PDCD1LG2: variants seen among roughly 807,000 people sequenced by gnomAD.
The protein encoded by PDCD1LG2 is B7 dendritic cell molecule.
PDCD1LG2 carries 32 observed loss-of-function variants against 28.2 expected under a neutral mutation model. The observed-to-expected ratio is 1.13, with a 90% CI of 0.86 to 1.52. The LOEUF (loss-of-function observed/expected upper bound fraction) is 1.52. Ranked by LOEUF, PDCD1LG2 falls within the 40% of genes most tolerant of loss-of-function variation. The pLI is 0.00. For synonymous variants in PDCD1LG2, 116 were observed against 120.2 expected (o/e 0.97, Z 0.23); for missense variants, 385 against 323.8 (o/e 1.19, Z -1.45).
intron 3 of PDCD1LG2, among the ~76,000 whole-genome samples, chr9:5,543,766 G>A (rs1477359786): frequency 6.6e-6 from 1 of 151,314 alleles, no homozygotes; most frequent in Non-Finnish European, 1.5e-5. Context: ...AATGTCCTGA[G>A]CTCCGCCTGC....
intron 1 of PDCD1LG2, among the ~76,000 whole-genome samples, chr9:5,520,155 A>G (rs1028221574): frequency 6.6e-6 from 1 of 152,240 alleles, no homozygotes; most frequent in African/African-American, 2.4e-5. Context: ...AAAGACTAAC[A>G]AAGTTGGAGG....
At chr9:5,527,367 G>C (rs972878946) in intron 2 of PDCD1LG2, among the ~76,000 whole-genome samples, 1 of 152,126 alleles carries the variant, frequency 6.6e-6, no homozygotes, top group African/African-American at 2.4e-5. Flanking sequence ...TGTCCTTATA[G>C]TAATGACTTT....
intron 1 of PDCD1LG2, among the ~76,000 whole-genome samples, chr9:5,522,207 G>A (rs1820288754): frequency 6.6e-6 from 1 of 152,190 alleles, no homozygotes; most frequent in South Asian, 2.1e-4. Flanking sequence ...GCCAGCTATT[G>A]AAAAAAGCTA....
At chr9:5,562,973 T>TCA (rs1331804184) in intron 5 of PDCD1LG2, among the ~76,000 whole-genome samples, 189 bp from the exon 6 acceptor site, 1 of 152,214 alleles carries the variant, frequency 6.6e-6, no homozygotes, top group East Asian at 1.9e-4. Context: ...ACTTCTTTGT[T>TCA]CACACTCTTT....
At chr9:5,566,230 A>C (rs1423596989) in intron 6 of PDCD1LG2, among the ~76,000 whole-genome samples, 1 of 152,194 alleles carries the variant, frequency 6.6e-6, no homozygotes, top group East Asian at 1.9e-4. Flanking sequence ...TATTCAGATG[A>C]ATATTTTCCC....
At chr9:5,564,934 T>C (rs759929993) in intron 6 of PDCD1LG2, among the ~76,000 whole-genome samples, 4 of 152,232 alleles carry the variant, frequency 2.6e-5, no homozygotes, top group Admixed American at 1.3e-4. Context: ...TTTATTATTA[T>C]AACACCAGGC....
intron 2 of PDCD1LG2, among the ~76,000 whole-genome samples, chr9:5,533,450 A>T (rs10435813): frequency 2.0e-5 from 3 of 152,108 alleles, no homozygotes; most frequent in Non-Finnish European, 4.4e-5. Flanking sequence ...ATAGGAAGAA[A>T]AATAAATGCA....
rs773501891 is a variant in PDCD1LG2 at position 5,569,932 on chromosome 9, A to C, written c.817-22A>C. The stretch of plus-strand genomic sequence containing the variant: ...CTAATCATAAAAAATGATTTTTCTT[A>C]TTTGTGGGCTTTTCTCCCCAGATCT... On this transcript the variant is annotated intron_variant, in intron 6 of 6. Coordinates refer to ENST00000397747, the MANE Select transcript of PDCD1LG2 (RefSeq NM_025239.4). This position sits in a 1 kb window ranked among gnomAD's most constrained non-coding sequence, Gnocchi z 4.1. The C allele has an allele frequency of 6.2e-7, 1 of 1,612,746 alleles. No homozygotes were observed. Among genetic ancestry groups the C allele is most frequent in the South Asian group, 1.1e-5 (1 of 90,920 alleles).
Position 5,557,267 on chromosome 9 carries a change from TGATG to T in PDCD1LG2, c.632-340_632-337del, listed in dbSNP as rs560837820. 4.0e-3 allele frequency among the ~76,000 whole-genome samples: 610 copies of T among 151,430 alleles called. 3 individuals are homozygous for T. Among genetic ancestry groups the T allele is most frequent in the East Asian group, 0.015 (78 of 5,162 alleles). On this transcript the variant is annotated intron_variant, in intron 4 of 6. Transcript: ENST00000397747. ...ATGATTAGATGATAGATGGATGGAT[TGATG>T]GATGGATGGAAAAAAATAACATGAG... is the stretch of plus-strand genomic sequence containing the variant.
At chr9:5,556,766 A>G (rs1330153072) in intron 4 of PDCD1LG2, among the ~76,000 whole-genome samples, 1 of 152,174 alleles carries the variant, frequency 6.6e-6, no homozygotes, top group African/African-American at 2.4e-5. Flanking sequence ...AAGCTTTTGA[A>G]TAGGGCACAA....
chr9:5,568,888 G>A (rs1586824900), intron 6 of PDCD1LG2, among the ~76,000 whole-genome samples: 1 of 152,160 alleles, frequency 6.6e-6, no homozygotes, highest in Non-Finnish European at 1.5e-5. Context: ...GTTCAGAGAT[G>A]GGGACAAATA....
At chr9:5,531,194 T>C (rs1262337089) in intron 2 of PDCD1LG2, among the ~76,000 whole-genome samples, 1 of 152,216 alleles carries the variant, frequency 6.6e-6, no homozygotes, top group Non-Finnish European at 1.5e-5. Flanking sequence ...GCCCTCTGCT[T>C]AGTGAATCTA....
intron 2 of PDCD1LG2, among the ~76,000 whole-genome samples, chr9:5,527,295 CA>C (rs1820398653): frequency 6.6e-6 from 1 of 152,116 alleles, no homozygotes; most frequent in Admixed American, 6.5e-5. Flanking sequence ...CCTTGCCAAA[CA>C]AACAAACAAA....
intron 1 of PDCD1LG2, among the ~76,000 whole-genome samples, chr9:5,513,681 GTCTA>G (rs1404066926): frequency 1.3e-5 from 2 of 152,218 alleles, no homozygotes; most frequent in African/African-American, 4.8e-5. Flanking sequence ...GCTACTGGTA[GTCTA>G]TCTATGCCAC....
rs1270755529 is a variant in PDCD1LG2 at position 5,549,488 on chromosome 9, G to T, written c.515G>T (p.Gly172Val). Reference sequence around the variant, plus strand: ...ACCAGCCACTCCAGGACCCCTGAAGGCCTCTACCAGGTCACCAGTGTTCTG... The same window carrying T: ...ACCAGCCACTCCAGGACCCCTGAAGTCCTCTACCAGGTCACCAGTGTTCTG... The part of the protein sequence containing the change: ...ANTSHSRTPE[G>V]LYQVTSVLRL... Residue 172 changes from glycine (G) to valine (V), a missense_variant, in exon 4 of 7, where the codon GGC becomes GTC. Gly to Val is a moderately radical substitution (Grantham distance 109). Coordinates refer to ENST00000397747, the MANE Select transcript of PDCD1LG2 (RefSeq NM_025239.4). 8.7e-6 allele frequency: 14 copies of T among 1,614,028 alleles called. No homozygotes were observed. The highest frequency in any genetic ancestry group is 1.7e-5 in the Admixed American group (1 of 59,998).
intron 3 of PDCD1LG2, among the ~76,000 whole-genome samples, chr9:5,547,663 A>T (rs915739626): frequency 6.6e-5 from 10 of 152,216 alleles, no homozygotes; most frequent in Non-Finnish European, 1.0e-4. Flanking sequence ...CAAGCCGGGC[A>T]CAGTGGCTCA....
At chr9:5,558,437 G>A (rs544281257) in intron 5 of PDCD1LG2, among the ~76,000 whole-genome samples, 22 of 152,138 alleles carry the variant, frequency 1.4e-4, no homozygotes, top group Non-Finnish European at 2.9e-4. Context: ...CCTGGGTGGA[G>A]CCTGCCCACA....
rs1036146444 is a variant in PDCD1LG2, at chr9:5,568,113, G to A, written c.817-1841G>A. Among the ~76,000 whole-genome samples the A allele has an allele frequency of 2.7e-4, 41 of 152,134 alleles. 1 individual carries two copies. The highest frequency in any genetic ancestry group is 2.1e-4 in the South Asian group (1 of 4,832). On this transcript the variant is annotated intron_variant, in intron 6 of 6. Coordinates refer to ENST00000397747, the MANE Select transcript of PDCD1LG2 (RefSeq NM_025239.4). ...CCTTTCGCAAAGGAAATATTAGACA[G>A]AACTCCTACATGTCAAGCAAATTAA...
intron 6 of PDCD1LG2, among the ~76,000 whole-genome samples, chr9:5,564,880 C>G (rs770033380): frequency 4.6e-5 from 7 of 152,150 alleles, no homozygotes; most frequent in South Asian, 2.1e-4. Context: ...TGTCCCAATC[C>G]CAACTTTTGG....
Sources: gnomAD v4.1 joint callset for allele counts (sites outside exome capture counted in the v4.1 genomes callset) on GRCh38, gnomAD v4.1.1 for gene constraint, Gnocchi (gnomAD v3.1) non-coding constraint, MANE v1.5 for transcripts, NCBI Gene and HGNC (gene_info 2026-07-23, HGNC 2026-07-21) for gene names.